Variants in HEG1 observed in about 807,000 individuals in gnomAD.
HEG1 encodes heart development protein with EGF like domains 1, also known as protein HEG homolog 1.
In HEG1, 56 loss-of-function variants were observed where a neutral mutation model predicts 125.6. The observed-to-expected ratio is 0.45, with a 90% CI of 0.36 to 0.56. The LOEUF is 0.56. Among genes scored for constraint, HEG1 ranks in the 20% least tolerant of loss-of-function variants. The probability of loss-of-function intolerance (pLI) is 0.00; values close to 1 mark genes in which losing one functional copy is unlikely to be tolerated. For synonymous variants in HEG1, 644 were observed against 668.5 expected, an observed-to-expected ratio of 0.96 and a Z score of 0.57; for missense variants, 1,523 against 1,670.0, an observed-to-expected ratio of 0.91 and a Z score of 1.53.
Position 125,013,456 on chromosome 3 carries a change from G to A in HEG1, c.2123C>T (p.Ala708Val). The A allele has an allele frequency of 6.2e-7, 1 of 1,613,882 alleles. No homozygotes were observed. The highest frequency in any genetic ancestry group is 8.5e-7 in the Non-Finnish European group (1 of 1,179,820). ...SVHLLKSTSD[A>V]STPWSSSPSP... ...TGGTGAGGAAGACCATGGTGTGGATGCATCAGAGGTAGACTTTAGTAGATG... is the reference window on the plus strand; with the variant it reads ...TGGTGAGGAAGACCATGGTGTGGATACATCAGAGGTAGACTTTAGTAGATG... Residue 708 changes from alanine (A) to valine (V), a missense_variant, in exon 6 of 17, where the codon GCA becomes GTA. Transcript: ENST00000311127.
chr3:125,042,954 C>T (rs1937607177), intron 1 of HEG1, among the ~76,000 whole-genome samples: 1 of 152,174 alleles, frequency 6.6e-6, no homozygotes, highest in African/African-American at 2.4e-5. Context: ...CGTTTAGAAG[C>T]CAAATGAGTT....
intron 14 of HEG1, among the ~76,000 whole-genome samples, chr3:124,987,974 T>TATATATATATAC (rs1285591949): frequency 6.7e-5 from 8 of 120,034 alleles, no homozygotes; most frequent in African/African-American, 2.3e-4. Context: ...TATATATATA[T>TATATATATATAC]ACCATGTAGT....
At position 124,997,762 on chromosome 3, in the gene HEG1, G is replaced by A. The variant is rs199729947; in HGVS notation, c.3579C>T (p.Asp1193=). ...ACTGGCACAGGGCAACGCCGTCCAG[G>A]TCAGTGCAGATGGAGGTGTCTTTGT... The part of the protein sequence containing the change: ...ECDKDTSICT[D]LDGVALCQCK... Residue 1193 remains aspartate, a synonymous_variant, in exon 12 of 17, where the codon GAC becomes GAT. Transcript: ENST00000311127. 5.6e-6 allele frequency: 9 copies of A among 1,600,944 alleles called. No individual in the cohort carries two copies. The highest frequency in any genetic ancestry group is 7.7e-6 in the Non-Finnish European group (9 of 1,171,216).
At chr3:125,009,588 C>A in intron 8 of HEG1, 117 bp downstream of exon 8, 1 of 1,056,304 alleles carries the variant, frequency 9.5e-7, no homozygotes, top group Non-Finnish European at 1.3e-6. Context: ...TTTCTATATT[C>A]CTTAAGTTTA....
intron 1 of HEG1, among the ~76,000 whole-genome samples, chr3:125,053,372 T>C (rs1360867690): frequency 6.6e-6 from 1 of 152,186 alleles, no homozygotes. Context: ...GTTTCTTTTT[T>C]ACCCCTAAAT....
At chr3:124,978,309 G>A (rs561609410) in intron 14 of HEG1, among the ~76,000 whole-genome samples, 9 of 152,196 alleles carry the variant, frequency 5.9e-5, no homozygotes, top group Admixed American at 3.3e-4. Flanking sequence ...CACCAGGCCC[G>A]GCTAATTTTT....
At chr3:124,986,349 G>T (rs756643315) in intron 14 of HEG1, among the ~76,000 whole-genome samples, 1 of 152,128 alleles carries the variant, frequency 6.6e-6, no homozygotes, top group Non-Finnish European at 1.5e-5. Flanking sequence ...CTGCTGTCTT[G>T]GGTGGCAATA....
In HEG1 at chr3:124,967,246, C is replaced by T. The variant is rs760591421; in HGVS notation, c.*3406G>A. 4.6e-5 allele frequency: 7 copies of T among 152,168 alleles called. No homozygotes were observed. The highest frequency in any genetic ancestry group is 2.1e-4 in the South Asian group (1 of 4,830). 9.4% of individuals were successfully genotyped at this position (152,168 alleles called of 1,614,324 possible). On this transcript the variant is annotated 3_prime_UTR_variant, in exon 17 of 17. Transcript: ENST00000311127. ...GTATGTGGGAGCCATGGCCTTACCA[C>T]GGGAACAAGGCAAGCAGCTCTCAGA...
chr3:125,004,122 G>A (rs371561435), intron 9 of HEG1, among the ~76,000 whole-genome samples: 1 of 152,168 alleles, frequency 6.6e-6, no homozygotes, highest in Non-Finnish European at 1.5e-5. Flanking sequence ...GGCAATGCCT[G>A]TTACAGGAGT....
chr3:124,991,609 T>C (rs71325811), intron 12 of HEG1, among the ~76,000 whole-genome samples: 1 of 152,268 alleles, frequency 6.6e-6, no homozygotes, highest in African/African-American at 2.4e-5. Flanking sequence ...CAGGGTTTTG[T>C]AGTTGTAATT....
chr3:125,027,108 A>G, intron 3 of HEG1, 97 bp downstream of exon 3: 1 of 1,161,440 alleles, frequency 8.6e-7, no homozygotes, highest in Non-Finnish European at 1.2e-6. Flanking sequence ...TTTTCCCCTT[A>G]CCCACTATTA....
At chr3:125,050,744 C>A (rs1214526471) in intron 1 of HEG1, among the ~76,000 whole-genome samples, 1 of 152,228 alleles carries the variant, frequency 6.6e-6, no homozygotes, top group Non-Finnish European at 1.5e-5. Context: ...CATCACCTCA[C>A]ACGGCTCTTC....
chr3:124,975,265 G>A (rs937221476), intron 15 of HEG1, among the ~76,000 whole-genome samples: 29 of 152,138 alleles, frequency 1.9e-4, no homozygotes, highest in Non-Finnish European at 4.0e-4. Context: ...AAGATAACTA[G>A]CTATTTTGGG....
At position 124,967,459 on chromosome 3, in the gene HEG1, T is replaced by A. The variant is rs1313620566; in HGVS notation, c.*3193A>T. On this transcript the variant is annotated 3_prime_UTR_variant, in exon 17 of 17. Transcript: ENST00000311127. ...ACATTTTCAAAAGGGTAGTCAGCAT[T>A]TTTTTTTTTTTTTTTTTGCATTTCA... The A allele has an allele frequency of 2.7e-5, 1 of 36,812 alleles. No homozygotes were observed. The highest frequency in any genetic ancestry group is 1.2e-4 in the Non-Finnish European group (1 of 8,224). The allele number at this position is 36,812 out of a possible 1,614,324, so 2.3% of individuals were successfully genotyped here.
chr3:124,990,618 C>T (rs954625395), intron 14 of HEG1, among the ~76,000 whole-genome samples, 169 bp downstream of exon 14: 5 of 152,170 alleles, frequency 3.3e-5, no homozygotes, highest in South Asian at 2.1e-4. Context: ...GGATTACAGG[C>T]GTGAGCCACC....
rs190544566 is a variant in HEG1, at chr3:125,055,052, C to A, written c.316+523G>T. Among the ~76,000 whole-genome samples, 171 of 152,302 alleles carry A rather than the reference C, an allele frequency of 1.1e-3. 1 individual carries two copies. In the East Asian group the frequency reaches 0.025, roughly 22 times the overall value. On this transcript the variant is annotated intron_variant, in intron 1 of 16. Coordinates refer to ENST00000311127, the MANE Select transcript of HEG1 (RefSeq NM_020733.2). ...CAGGGGTTCAACCATGCAACCCCAA[C>A]CGCGTTCCTTTGCTTTTAAGTCGAA...
intron 1 of HEG1, among the ~76,000 whole-genome samples, chr3:125,036,853 A>T (rs1937552295): frequency 6.6e-6 from 1 of 152,242 alleles, no homozygotes; most frequent in South Asian, 2.1e-4. Flanking sequence ...ATTGGTAAAA[A>T]TACAATTAAC....
Position 125,055,989 on chromosome 3 carries a change from G to T in HEG1, c.-99C>A. On this transcript the variant is annotated 5_prime_UTR_variant, in exon 1 of 17. Transcript: ENST00000311127. ...GGGGGCCGCGCGGGGCCGGGGAAGT[G>T]AGCGGAGTGAGGCTGCGAGCGCGCT... 3 of 595,896 alleles carry T rather than the reference G, an allele frequency of 5.0e-6. No homozygotes were observed. In the South Asian group the frequency reaches 2.1e-4, roughly 42 times the overall value. 36.9% of individuals were successfully genotyped at this position (595,896 alleles called of 1,614,324 possible).
At position 124,977,953 on chromosome 3, in the gene HEG1, G is replaced by A. The variant is rs138330033; in HGVS notation, c.3734-7C>T. ...ACAGTGATAAGCTGATAGGCTAAAC[G>A]TAAAACAAACAAAAAAGCATATTGG... On this transcript the variant is annotated splice_region_variant and splice_polypyrimidine_tract_variant and intron_variant, in intron 14 of 16. Coordinates refer to ENST00000311127, the MANE Select transcript of HEG1 (RefSeq NM_020733.2). 5.1e-5 allele frequency: 79 copies of A among 1,552,418 alleles called. No homozygotes were observed. The East Asian group carries it at 1.6e-3, about 32-fold the overall frequency.
Sources: gnomAD v4.1 joint callset for allele counts (sites outside exome capture counted in the v4.1 genomes callset) on GRCh38, gnomAD v4.1.1 for gene constraint, MANE v1.5 for transcripts, NCBI Gene and HGNC (gene_info 2026-07-23, HGNC 2026-07-21) for gene names.